The following NCOA6 variants were observed in gnomAD, a reference collection of about 807,000 sequenced individuals.
The protein encoded by NCOA6 is NRC RAP250.
A neutral mutation model predicts 171.4 loss-of-function variants in NCOA6; 49 were observed. The observed-to-expected ratio is 0.29, with a 90% CI of 0.23 to 0.36. NCOA6 has a LOEUF of 0.36. Among genes scored for constraint, NCOA6 ranks in the 10% least tolerant of loss-of-function variants. The pLI is 1.00. For synonymous variants in NCOA6, 910 were observed against 927.5 expected (o/e 0.98, Z 0.34); for missense variants, 2,248 against 2,554.5 (o/e 0.88, Z 2.59).
At chr20:34,769,389 A>C (rs1373830290) in intron 4 of NCOA6, among the ~76,000 whole-genome samples, 2 of 147,144 alleles carry the variant, frequency 1.4e-5, no homozygotes, top group African/African-American at 5.1e-5. Context: ...TTTGAGATGG[A>C]GTCTTGCTCT....
Position 34,740,559 on chromosome 20 carries a change from G to A in NCOA6, c.5697C>T (p.Ala1899=). 3.1e-6 allele frequency: 5 copies of A among 1,614,196 alleles called. No homozygotes were observed. The highest frequency in any genetic ancestry group is 4.2e-6 in the Non-Finnish European group (5 of 1,180,038). The part of the protein sequence containing the change: ...MTSSPVGPGT[A]SAGPSLPGGA... Reference sequence around the variant, plus strand: ...CGCCAGGTAAGCTGGGTCCTGCTGAGGCAGTGCCCGGGCCCACAGGGCTAG... The same window carrying A: ...CGCCAGGTAAGCTGGGTCCTGCTGAAGCAGTGCCCGGGCCCACAGGGCTAG... Residue 1899 remains alanine, a synonymous_variant, in exon 11 of 15, where the codon GCC becomes GCT. Transcript: ENST00000359003.
intron 11 of NCOA6, among the ~76,000 whole-genome samples, chr20:34,737,209 A>G (rs947103083): frequency 1.3e-5 from 2 of 152,244 alleles, no homozygotes; most frequent in East Asian, 3.8e-4. Context: ...ATGGTCACAT[A>G]ATTTTGTACT....
chr20:34,814,698 T>C (rs1296620668), intron 1 of NCOA6, among the ~76,000 whole-genome samples: 2 of 152,084 alleles, frequency 1.3e-5, no homozygotes, highest in African/African-American at 2.4e-5. Flanking sequence ...TTCAAGCAAT[T>C]TTCCTGCCTG....
chr20:34,753,687 C>A (rs1026028848), intron 8 of NCOA6, among the ~76,000 whole-genome samples: 1 of 151,666 alleles, frequency 6.6e-6, no homozygotes, highest in Non-Finnish European at 1.5e-5. Flanking sequence ...AAAAAAAAAA[C>A]AAACATGAAT....
chr20:34,754,562 A>G (rs920838918), intron 8 of NCOA6, among the ~76,000 whole-genome samples, 160 bp downstream of exon 8: 17 of 152,182 alleles, frequency 1.1e-4, no homozygotes, highest in African/African-American at 3.6e-4. Flanking sequence ...TACTTTTGAT[A>G]TATTGACAAA....
intron 5 of NCOA6, among the ~76,000 whole-genome samples, chr20:34,759,438 C>T (rs2145846003): frequency 6.6e-6 from 1 of 152,226 alleles, no homozygotes; most frequent in South Asian, 2.1e-4. Flanking sequence ...GCCCCCTACT[C>T]CTTCCATTCC....
chr20:34,809,406 A>G, intron 1 of NCOA6: 1 of 398,518 alleles, frequency 2.5e-6, no homozygotes, highest in Non-Finnish European at 4.4e-6. Flanking sequence ...AGTTGAAATT[A>G]GGCCTTTTAT....
chr20:34,807,564 C>T (rs1047458815), intron 1 of NCOA6, among the ~76,000 whole-genome samples: 7 of 152,136 alleles, frequency 4.6e-5, no homozygotes, highest in African/African-American at 7.2e-5. Context: ...CTCGCTCTGT[C>T]GCTCAGGCTG....
At chr20:34,718,607 G>A (rs1276727477) in intron 14 of NCOA6, among the ~76,000 whole-genome samples, 1 of 151,850 alleles carries the variant, frequency 6.6e-6, no homozygotes, top group Non-Finnish European at 1.5e-5. Context: ...CTGGGTTCAA[G>A]CAATTCTCCT....
chr20:34,766,015 G>C (rs998875779), intron 5 of NCOA6, among the ~76,000 whole-genome samples: 1 of 152,128 alleles, frequency 6.6e-6, no homozygotes, highest in African/African-American at 2.4e-5. Flanking sequence ...TATTGTTTTA[G>C]AGGGGATTTA....
intron 14 of NCOA6, among the ~76,000 whole-genome samples, chr20:34,723,657 C>A (rs1011003323): frequency 6.6e-6 from 1 of 152,180 alleles, no homozygotes; most frequent in Non-Finnish European, 1.5e-5. Flanking sequence ...ACCACTGCCA[C>A]GGTGGGACAA....
chr20:34,749,964 A>T lies in NCOA6; in HGVS notation c.2231T>A (p.Met744Lys). 1 of 1,614,146 alleles carries T rather than the reference A, an allele frequency of 6.2e-7. No homozygotes were observed. Among genetic ancestry groups the T allele is most frequent in the Non-Finnish European group, 8.5e-7 (1 of 1,180,020 alleles). Reference sequence around the variant, plus strand: ...TTGCATGTTTGGAGTTGGTCCCCTCATTATCTGGGCTGGTCCCGGCATGAC... The same window carrying T: ...TTGCATGTTTGGAGTTGGTCCCCTCTTTATCTGGGCTGGTCCCGGCATGAC... The part of the protein sequence containing the change: ...SNVMPGPAQI[M>K]RGPTPNMQGN... Residue 744 changes from methionine to lysine, a missense_variant, in exon 9 of 15, where the codon ATG becomes AAG. Around this residue, in one of 7 missense-constraint regions of NCOA6, gnomAD observed 987 missense variants for 1,104.7 expected, o/e 0.89. Coordinates refer to ENST00000359003, the MANE Select transcript of NCOA6 (RefSeq NM_014071.5).
Position 34,746,930 on chromosome 20 carries a change from TAAAAAAAAA to T in NCOA6, c.2793-11_2793-3del. On this transcript the variant is annotated splice_polypyrimidine_tract_variant and splice_region_variant and intron_variant, in intron 9 of 14. Transcript: ENST00000359003. ...CCAGCTGGGCGAGTATCTGGGGTGC[TAAAAAAAAA>T]AAAAAAAAAAAAAGTGACATATTTT... 6.2e-6 allele frequency: 7 copies of T among 1,138,158 alleles called. No homozygotes were observed. The highest frequency in any genetic ancestry group is 2.7e-5 in the South Asian group (1 of 37,008). 70.5% of individuals were successfully genotyped at this position (1,138,158 alleles called of 1,614,324 possible).
chr20:34,784,731 C>T (rs1568848547), intron 2 of NCOA6, among the ~76,000 whole-genome samples: 1 of 151,796 alleles, frequency 6.6e-6, no homozygotes, highest in Non-Finnish European at 1.5e-5. Flanking sequence ...CAGTGAGCTA[C>T]GATAGTGCCA....
In NCOA6 at chr20:34,742,943, A is replaced by G. The variant is rs2076192996; in HGVS notation, c.3313T>C (p.Leu1105=). The G allele has an allele frequency of 3.1e-6, 5 of 1,614,158 alleles. No homozygotes were observed. The highest frequency in any genetic ancestry group is 1.3e-5 in the African/African-American group (1 of 75,042). ...QRMPMPVNTP[L]GSNSRKMVYQ... is the part of the protein sequence containing the mutation. ...ACCATTTTCCTTGAATTGCTTCCCA[A>G]GGGAGTATTCACAGGCATTGGCATT... Residue 1105 remains leucine, a synonymous_variant, in exon 11 of 15, where the codon TTG becomes CTG. Coordinates refer to ENST00000359003, the MANE Select transcript of NCOA6 (RefSeq NM_014071.5).
intron 4 of NCOA6, among the ~76,000 whole-genome samples, chr20:34,775,882 G>A (rs2077305484): frequency 1.3e-5 from 2 of 152,134 alleles, no homozygotes; most frequent in South Asian, 2.1e-4. Flanking sequence ...GCTGAGATGG[G>A]AGGATCATCT....
rs1428491679 is a variant in NCOA6 at position 34,715,329 on chromosome 20, G to C, written c.6185C>G (p.Ser2062Cys). The stretch of plus-strand genomic sequence containing the variant: ...AGTCGCAGTCCTGCTTGTTTACTTG[G>C]ATTTTCTTCGCTTGGATTGCACCGC... ...TSAVQSKRRKSK is the reference protein window; with the variant it reads ...TSAVQSKRRKCK Residue 2062 changes from serine to cysteine, a missense_variant, in exon 15 of 15, where the codon TCC becomes TGC. Physicochemically the swap from Ser to Cys is moderately radical, Grantham distance 112. Around this residue, in one of 7 missense-constraint regions of NCOA6, gnomAD observed 884 missense variants for 941.9 expected, o/e 0.94. Transcript: ENST00000359003. 1.2e-6 allele frequency: 2 copies of C among 1,613,922 alleles called. No homozygotes were observed. The highest frequency in any genetic ancestry group is 3.3e-5 in the Admixed American group (2 of 60,008).
chr20:34,750,589 T>C, intron 8 of NCOA6, 70 bp from the exon 9 acceptor site: 1 of 1,431,246 alleles, frequency 7.0e-7, no homozygotes, highest in Non-Finnish European at 9.3e-7. Context: ...GATACTCAAG[T>C]TACATTACTC....
chr20:34,812,833 T>C (rs1005128221), intron 1 of NCOA6, among the ~76,000 whole-genome samples: 6 of 151,842 alleles, frequency 4.0e-5, no homozygotes, highest in East Asian at 3.9e-4. Flanking sequence ...CTGGGCAACA[T>C]AGGGAGACCC....
Sources: allele counts gnomAD v4.1 joint callset (sites outside exome capture counted in the v4.1 genomes callset), GRCh38; gene constraint gnomAD v4.1.1; regional missense constraint gnomAD v4.1.1; transcripts MANE v1.5; gene names NCBI Gene and HGNC (gene_info 2026-07-23, HGNC 2026-07-21).